The following TENM3 variants were observed in gnomAD, a reference collection of about 807,000 sequenced individuals.
TENM3 encodes the protein teneurin transmembrane protein 3, also known as teneurin-3.
Under a neutral mutation model 255.1 loss-of-function variants are expected in TENM3, and 63 were observed. That is an observed-to-expected ratio of 0.25 (90% CI 0.20 to 0.30). The LOEUF is 0.30. Among genes scored for constraint, TENM3 ranks in the 10% least tolerant of loss-of-function variants. The pLI is 1.00. For synonymous variants in TENM3, 1,306 were observed against 1,322.3 expected, an observed-to-expected ratio of 0.99 and a Z score of 0.27; for missense variants, 2,929 against 3,461.1, an observed-to-expected ratio of 0.85 and a Z score of 3.86.
chr4:182,590,208 T>G (rs2152385296), intron 3 of TENM3, among the ~76,000 whole-genome samples: 1 of 152,282 alleles, frequency 6.6e-6, no homozygotes, highest in Non-Finnish European at 1.5e-5. Context: ...AGGAGATTTC[T>G]TATTGTTCCC....
intron 1 of TENM3, among the ~76,000 whole-genome samples, chr4:182,184,077 C>G (rs948801093): frequency 1.3e-5 from 2 of 152,084 alleles, no homozygotes; most frequent in Admixed American, 1.3e-4. Flanking sequence ...TTTGATTCCT[C>G]AACTTCAAAA....
At chr4:182,234,001 G>A (rs1275559580) in intron 1 of TENM3, among the ~76,000 whole-genome samples, 1 of 152,200 alleles carries the variant, frequency 6.6e-6, no homozygotes, top group African/African-American at 2.4e-5. Context: ...AACTTGGGGA[G>A]TTGTGACACG....
intron 3 of TENM3, among the ~76,000 whole-genome samples, chr4:182,532,174 G>A (rs1739843286): frequency 6.6e-6 from 1 of 152,174 alleles, no homozygotes; most frequent in African/African-American, 2.4e-5. Flanking sequence ...GTATTGGGAG[G>A]CAGTCTAGCA....
the TENM3 span, among the ~76,000 whole-genome samples, chr4:181,608,207 T>A: frequency 2.0e-5 from 3 of 152,192 alleles, no homozygotes; most frequent in African/African-American, 7.2e-5. Context: ...AGAGAGAGCA[T>A]GCAGGCTAGA....
At chr4:181,509,038 G>T in the TENM3 span, among the ~76,000 whole-genome samples, 1 of 150,800 alleles carries the variant, frequency 6.6e-6, no homozygotes, top group Non-Finnish European at 1.5e-5. Flanking sequence ...TCCCTAACAT[G>T]AAAGAATGAT....
At chr4:182,663,782 C>T (rs77835000) in intron 6 of TENM3, among the ~76,000 whole-genome samples, 7,539 of 150,812 alleles carry the variant, frequency 0.05, 330 homozygotes, top group East Asian at 0.18. Context: ...CTAAAAAATA[C>T]GTTGTCTATA....
intron 12 of TENM3, among the ~76,000 whole-genome samples, chr4:182,689,736 C>T (rs1249777117): frequency 2.0e-5 from 3 of 152,172 alleles, no homozygotes; most frequent in Non-Finnish European, 4.4e-5. Flanking sequence ...GAAGCCTGTT[C>T]GAGACTTAGA....
intron 1 of TENM3, among the ~76,000 whole-genome samples, chr4:182,291,230 G>A (rs116290697): frequency 3.0e-3 from 452 of 152,226 alleles, no homozygotes; most frequent in African/African-American, 0.01. Flanking sequence ...GCTGGTCTCC[G>A]GCAGGCTTCC....
intron 5 of TENM3, among the ~76,000 whole-genome samples, chr4:182,652,552 T>C (rs944180493): frequency 5.9e-5 from 9 of 152,130 alleles, no homozygotes; most frequent in African/African-American, 2.2e-4. Context: ...TAAACCTAAT[T>C]TCTAACAATA....
In TENM3 at chr4:182,226,184, C is replaced by T. The variant is rs1756144809; in HGVS notation, c.-76+81430C>T. Among the ~76,000 whole-genome samples, 3 of 152,150 alleles carry T rather than the reference C, an allele frequency of 2.0e-5. No homozygotes were observed. The South Asian group carries it at 6.2e-4, about 32-fold the overall frequency. ...TGGGTGGGGTGTCCTACTCCTTAGCCAGGCTGAGAGAAAGGAAATTGGAGA... is the reference window on the plus strand; with the variant it reads ...TGGGTGGGGTGTCCTACTCCTTAGCTAGGCTGAGAGAAAGGAAATTGGAGA... On this transcript the variant is annotated intron_variant, in intron 1 of 2. Coordinates refer to the TENM3 transcript ENST00000512480.
intron 3 of TENM3, among the ~76,000 whole-genome samples, chr4:182,394,474 A>T (rs576739316): frequency 6.6e-6 from 1 of 152,312 alleles, no homozygotes; most frequent in African/African-American, 2.4e-5. Context: ...GGTAATAAGC[A>T]ATTAACCAAT....
chr4:182,073,475 C>T, the TENM3 span, among the ~76,000 whole-genome samples: 3 of 152,274 alleles, frequency 2.0e-5, no homozygotes, highest in African/African-American at 4.8e-5. Context: ...CTGCCAACAC[C>T]TTGAGTTTGG....
chr4:182,592,701 C>A (rs1746789843), intron 3 of TENM3, among the ~76,000 whole-genome samples: 1 of 122,172 alleles, frequency 8.2e-6, no homozygotes, highest in Admixed American at 8.7e-5. Flanking sequence ...GGCCACAGAG[C>A]AAGACTGTGT....
chr4:181,567,896 G>A, the TENM3 span, among the ~76,000 whole-genome samples: 1 of 152,066 alleles, frequency 6.6e-6, no homozygotes, highest in Non-Finnish European at 1.5e-5. Flanking sequence ...TGAAGTTGTG[G>A]AGCTCATATC....
chr4:182,262,774 C>CCT (rs1758906248), intron 1 of TENM3, among the ~76,000 whole-genome samples: 1 of 145,478 alleles, frequency 6.9e-6, no homozygotes, highest in South Asian at 2.2e-4. Context: ...AATGCAGTGG[C>CCT]CTGATCTCAG....
chr4:181,786,790 A>G, the TENM3 span, among the ~76,000 whole-genome samples: 1 of 151,814 alleles, frequency 6.6e-6, no homozygotes, highest in Non-Finnish European at 1.5e-5. Context: ...GGACAAGGCA[A>G]TGGTCAGGGA....
chr4:181,770,293 G>A, the TENM3 span, among the ~76,000 whole-genome samples: 8 of 152,098 alleles, frequency 5.3e-5, no homozygotes, highest in Non-Finnish European at 1.2e-4. Flanking sequence ...TAACAAATTG[G>A]CTTACATTAC....
At chr4:182,797,634 C>A (rs1436616309) in intron 27 of TENM3, among the ~76,000 whole-genome samples, 1 of 152,058 alleles carries the variant, frequency 6.6e-6, no homozygotes, top group Non-Finnish European at 1.5e-5. Context: ...AAAGCTGCCG[C>A]TTCAGAAAGT....
the TENM3 span, among the ~76,000 whole-genome samples, chr4:181,473,978 G>T: frequency 1.3e-5 from 2 of 151,122 alleles, no homozygotes; most frequent in South Asian, 4.2e-4. Context: ...ATTGTGATGG[G>T]CTCAATTTTA....
Sources: allele counts gnomAD v4.1 joint callset (sites outside exome capture counted in the v4.1 genomes callset), GRCh38; gene constraint gnomAD v4.1.1; transcripts MANE v1.5; gene names NCBI Gene and HGNC (gene_info 2026-07-23, HGNC 2026-07-21).